Variants in WDR70 observed in about 807,000 individuals in gnomAD.
WDR70 encodes the protein WD repeat-containing protein 70.
In WDR70, 53 loss-of-function variants were observed where a neutral mutation model predicts 88.6. The observed-to-expected ratio is 0.60, with a 90% CI of 0.48 to 0.75. WDR70 has a LOEUF of 0.75. Ranked by LOEUF, WDR70 falls within the 30% of genes least tolerant of loss-of-function variation. The probability of loss-of-function intolerance (pLI) is 0.00; values close to 1 mark genes in which losing one functional copy is unlikely to be tolerated. For missense variants in WDR70, 610 were observed against 823.2 expected (o/e 0.74, Z 3.17); for synonymous variants, 280 against 270.0 (o/e 1.04, Z -0.36).
At chr5:37,714,982 G>T (rs1747614956) in intron 13 of WDR70, among the ~76,000 whole-genome samples, 1 of 152,060 alleles carries the variant, frequency 6.6e-6, no homozygotes, top group South Asian at 2.1e-4. Flanking sequence ...ATACAGATGG[G>T]ATTCATTTAG....
At position 37,391,165 on chromosome 5, in the gene WDR70, A is replaced by G. The variant is rs534060959; in HGVS notation, c.176-835A>G. 2.3e-3 allele frequency among the ~76,000 whole-genome samples: 356 copies of G among 152,306 alleles called. 2 individuals are homozygous for G. The highest frequency in any genetic ancestry group is 8.3e-3 in the African/African-American group (345 of 41,556). On this transcript the variant is annotated intron_variant, in intron 3 of 17. Coordinates refer to ENST00000265107, the MANE Select transcript of WDR70 (RefSeq NM_018034.4). ...ATATTTCCCCAGATTTCTGTTTTCT[A>G]TCACTATTTTTATTATCTGCAGTTA...
chr5:37,539,362 A>G (rs1359016725), intron 9 of WDR70, among the ~76,000 whole-genome samples: 3 of 152,176 alleles, frequency 2.0e-5, no homozygotes, highest in Non-Finnish European at 4.4e-5. Context: ...GCCCTAATCC[A>G]ATATGACTGG....
intron 9 of WDR70, among the ~76,000 whole-genome samples, chr5:37,554,730 A>G (rs984521029): frequency 1.1e-4 from 16 of 151,452 alleles, no homozygotes; most frequent in Admixed American, 6.6e-5. Context: ...GGGTATTGCT[A>G]TGTTACCCAG....
intron 3 of WDR70, among the ~76,000 whole-genome samples, chr5:37,388,736 C>T (rs563710087): frequency 1.7e-5 from 1 of 59,740 alleles, no homozygotes; most frequent in South Asian, 5.5e-4. Context: ...GAGACTCCGT[C>T]TCAAAAAAAA....
chr5:37,693,490 A>G (rs1213123273), intron 10 of WDR70, among the ~76,000 whole-genome samples: 1 of 152,256 alleles, frequency 6.6e-6, no homozygotes, highest in Admixed American at 6.5e-5. Context: ...CCAAAACAGC[A>G]TGGTACTGGT....
intron 10 of WDR70, among the ~76,000 whole-genome samples, chr5:37,641,471 C>G (rs1745102131): frequency 7.4e-6 from 1 of 134,756 alleles, no homozygotes; most frequent in Non-Finnish European, 1.5e-5. Context: ...GGCTGGAGTA[C>G]AATGGTGTGA....
At chr5:37,676,761 G>A (rs968495387) in intron 10 of WDR70, among the ~76,000 whole-genome samples, 4 of 152,028 alleles carry the variant, frequency 2.6e-5, no homozygotes, top group Non-Finnish European at 4.4e-5. Context: ...AATGAGTTAG[G>A]GAGGATTCCC....
chr5:37,732,221 A>ATG (rs1425237393), intron 17 of WDR70, among the ~76,000 whole-genome samples: 1 of 152,126 alleles, frequency 6.6e-6, no homozygotes, highest in East Asian at 1.9e-4. Context: ...AGAGAGAGAT[A>ATG]TGTGTAGATA....
Position 37,582,097 on chromosome 5 carries a change from A to C in WDR70, c.918-22967A>C, listed in dbSNP as rs556882618. On this transcript the variant is annotated intron_variant, in intron 9 of 17. Coordinates refer to ENST00000265107, the MANE Select transcript of WDR70 (RefSeq NM_018034.4). ...TACTTAGTTACAGTTTTTATTTGTT[A>C]CAGTATTAGTTAGTAACTAATAGTT... 5.8e-5 allele frequency among the ~76,000 whole-genome samples: 7 copies of C among 121,242 alleles called. No homozygotes were observed. The East Asian group carries it at 1.4e-3, about 24-fold the overall frequency. The allele number at this position is 121,242 out of a possible 152,430, so 79.5% of individuals were successfully genotyped here.
chr5:37,680,108 A>G (rs1235212052), intron 10 of WDR70, among the ~76,000 whole-genome samples: 3 of 150,768 alleles, frequency 2.0e-5, no homozygotes, highest in Non-Finnish European at 4.4e-5. Flanking sequence ...GACACATGGT[A>G]TCTCATTGTG....
intron 10 of WDR70, among the ~76,000 whole-genome samples, chr5:37,656,557 C>T (rs961918598): frequency 2.6e-5 from 4 of 152,196 alleles, no homozygotes; most frequent in Non-Finnish European, 2.9e-5. Context: ...CTGCCTCTTC[C>T]CTCAGGTGCT....
chr5:37,721,321 C>CGTG (rs1338347328), intron 14 of WDR70, 106 bp downstream of exon 14: 1 of 994,368 alleles, frequency 1.0e-6, no homozygotes, highest in African/African-American at 1.6e-5. Context: ...GGAGATCCAC[C>CGTG]CATTTAGAAA....
chr5:37,658,834 G>C (rs898620362), intron 10 of WDR70, among the ~76,000 whole-genome samples: 1 of 152,156 alleles, frequency 6.6e-6, no homozygotes, highest in African/African-American at 2.4e-5. Flanking sequence ...CCATTTGCCA[G>C]TTGTGGTTTC....
intron 10 of WDR70, among the ~76,000 whole-genome samples, chr5:37,625,484 T>C (rs997498505): frequency 5.3e-5 from 8 of 152,148 alleles, no homozygotes; most frequent in African/African-American, 1.9e-4. Flanking sequence ...TGTCGTCTTC[T>C]ATCTGTTCAG....
intron 9 of WDR70, among the ~76,000 whole-genome samples, chr5:37,519,504 G>A (rs78202796): frequency 6.8e-6 from 1 of 147,776 alleles, no homozygotes; most frequent in African/African-American, 2.5e-5. Flanking sequence ...CTGGGCGGCC[G>A]GGCGGAGGCG....
intron 9 of WDR70, among the ~76,000 whole-genome samples, chr5:37,583,691 C>T (rs1348731457): frequency 2.6e-5 from 4 of 151,656 alleles, no homozygotes; most frequent in Non-Finnish European, 5.9e-5. Flanking sequence ...ATCCCTTATA[C>T]TTGTGTCCTT....
Position 37,379,555 on chromosome 5 carries a change from G to A in WDR70, c.91+1G>A. 1 of 1,613,946 alleles carries A rather than the reference G, an allele frequency of 6.2e-7. No homozygotes were observed. The highest frequency in any genetic ancestry group is 8.5e-7 in the Non-Finnish European group (1 of 1,179,856). ...GTCACCATGGGCTTCACGGGGTTCG[G>A]TGAGTGACTGCCCCAGGCAGAGACC... On this transcript the variant is annotated splice_donor_variant, in intron 2 of 17. Coordinates refer to ENST00000265107, the MANE Select transcript of WDR70 (RefSeq NM_018034.4). LOFTEE classifies it high-confidence loss of function.
intron 5 of WDR70, among the ~76,000 whole-genome samples, chr5:37,402,918 C>T (rs1749241099): frequency 6.9e-6 from 1 of 145,310 alleles, no homozygotes; most frequent in South Asian, 2.2e-4. Flanking sequence ...TTCCTTCCCT[C>T]TTTCCCTCCT....
chr5:37,473,343 C>CTT (rs70978821), intron 7 of WDR70, among the ~76,000 whole-genome samples: 3 of 117,226 alleles, frequency 2.6e-5, no homozygotes, highest in African/African-American at 5.8e-5. Context: ...TATTCATATT[C>CTT]TTTTTTTTTT....
Sources: allele counts gnomAD v4.1 joint callset (sites outside exome capture counted in the v4.1 genomes callset), GRCh38; gene constraint gnomAD v4.1.1; transcripts MANE v1.5; gene names NCBI Gene and HGNC (gene_info 2026-07-23, HGNC 2026-07-21).